Variants in GRM7 observed in about 807,000 individuals in gnomAD.
GRM7 encodes glutamate metabotropic receptor 7.
Under a neutral mutation model 84.5 loss-of-function variants are expected in GRM7, and 35 were observed. That is an observed-to-expected ratio of 0.41 (90% CI 0.32 to 0.55). The LOEUF is 0.55. Ranked by LOEUF, GRM7 falls within the 20% of genes least tolerant of loss-of-function variation. The probability of loss-of-function intolerance (pLI) is 0.19; values close to 1 mark genes in which losing one functional copy is unlikely to be tolerated. For synonymous variants in GRM7, 487 were observed against 455.1 expected (o/e 1.07, Z -0.89); for missense variants, 1,003 against 1,194.6 (o/e 0.84, Z 2.36).
chr3:7,569,784 T>C (rs1271472570), intron 7 of GRM7, among the ~76,000 whole-genome samples: 1 of 151,722 alleles, frequency 6.6e-6, no homozygotes, highest in African/African-American at 2.4e-5. Flanking sequence ...ACCGCGAAGG[T>C]CCGCAGCTTC....
intron 4 of GRM7, among the ~76,000 whole-genome samples, chr3:7,331,873 A>G (rs1416510799): frequency 6.6e-6 from 1 of 152,166 alleles, no homozygotes. Context: ...TATTTTTTAA[A>G]GGTTCCCATG....
At chr3:6,979,027 G>A (rs939378752) in intron 1 of GRM7, among the ~76,000 whole-genome samples, 2 of 152,084 alleles carry the variant, frequency 1.3e-5, no homozygotes, top group Non-Finnish European at 2.9e-5. Context: ...TAGTGAGTAA[G>A]GAGATAAAGA....
At position 7,530,195 on chromosome 3, in the gene GRM7, T is replaced by C. The variant is rs1252453639; in HGVS notation, c.1516-48227T>C. Among the ~76,000 whole-genome samples the C allele has an allele frequency of 4.0e-5, 6 of 151,632 alleles. No individual in the cohort carries two copies. In the South Asian group the frequency reaches 8.3e-4, roughly 21 times the overall value. ...ATTATAAGTGAGGACATGCAGTGTTTGGTTTTCTGTTCCTGTGTTATTTTG... is the reference window on the plus strand; with the variant it reads ...ATTATAAGTGAGGACATGCAGTGTTCGGTTTTCTGTTCCTGTGTTATTTTG... On this transcript the variant is annotated intron_variant, in intron 7 of 9. Coordinates refer to ENST00000357716, the MANE Select transcript of GRM7 (RefSeq NM_000844.4).
At chr3:7,191,595 C>T (rs1290223810) in intron 2 of GRM7, among the ~76,000 whole-genome samples, 1 of 151,436 alleles carries the variant, frequency 6.6e-6, no homozygotes, top group Non-Finnish European at 1.5e-5. Context: ...AAAGCTACAA[C>T]TTGGATAAAT....
intron 7 of GRM7, among the ~76,000 whole-genome samples, chr3:7,523,294 A>T (rs190758115): frequency 1.2e-4 from 19 of 152,064 alleles, no homozygotes; most frequent in South Asian, 6.2e-4. Flanking sequence ...ATACAGAAAA[A>T]TTTTTTTCCT....
chr3:7,035,330 A>G (rs1347729813), intron 1 of GRM7, among the ~76,000 whole-genome samples: 1 of 152,160 alleles, frequency 6.6e-6, no homozygotes, highest in Non-Finnish European at 1.5e-5. Flanking sequence ...TGATTTAGTC[A>G]GTCAGTACTT....
intron 7 of GRM7, among the ~76,000 whole-genome samples, chr3:7,526,320 C>T (rs376173292): frequency 4.0e-5 from 6 of 151,724 alleles, no homozygotes; most frequent in African/African-American, 1.2e-4. Context: ...TTCCCCTGTA[C>T]TTATTGGCTG....
chr3:7,399,193 AT>A (rs1207399982), intron 4 of GRM7, among the ~76,000 whole-genome samples: 12 of 145,722 alleles, frequency 8.2e-5, no homozygotes, highest in South Asian at 4.2e-4. Flanking sequence ...AATAATAATA[AT>A]AATAATAATA....
chr3:7,342,436 C>T (rs1311679338), intron 4 of GRM7, among the ~76,000 whole-genome samples: 1 of 152,122 alleles, frequency 6.6e-6, no homozygotes, highest in Non-Finnish European at 1.5e-5. Flanking sequence ...AATTACTGTG[C>T]TGTTTCCTGC....
intron 7 of GRM7, among the ~76,000 whole-genome samples, chr3:7,506,980 C>T (rs987555884): frequency 6.6e-6 from 1 of 152,084 alleles, no homozygotes; most frequent in African/African-American, 2.4e-5. Context: ...TATCAGACAG[C>T]CTTCATATCA....
At chr3:7,357,359 A>G (rs999544059) in intron 4 of GRM7, among the ~76,000 whole-genome samples, 1 of 151,910 alleles carries the variant, frequency 6.6e-6, no homozygotes, top group Non-Finnish European at 1.5e-5. Flanking sequence ...AATAATTCAG[A>G]ACCTCTTAAT....
intron 1 of GRM7, among the ~76,000 whole-genome samples, chr3:7,022,404 T>G (rs1291786614): frequency 7.4e-6 from 1 of 135,956 alleles, no homozygotes; most frequent in Non-Finnish European, 1.6e-5. Context: ...CAATGATATC[T>G]CCATATAGTG....
At chr3:7,480,738 C>A (rs1006411440) in intron 7 of GRM7, among the ~76,000 whole-genome samples, 11 of 152,128 alleles carry the variant, frequency 7.2e-5, no homozygotes. Context: ...GGGTTTCAAA[C>A]TTTGCTGTAC....
chr3:7,467,151 G>C (rs760475295), intron 7 of GRM7, among the ~76,000 whole-genome samples: 13 of 151,998 alleles, frequency 8.6e-5, no homozygotes, highest in Non-Finnish European at 1.6e-4. Context: ...GCAGTGGCGC[G>C]ATCTTGGCTC....
intron 4 of GRM7, among the ~76,000 whole-genome samples, chr3:7,313,944 A>G (rs1700494812): frequency 6.6e-6 from 1 of 152,014 alleles, no homozygotes; most frequent in Non-Finnish European, 1.5e-5. Context: ...GAGATTTAAT[A>G]TTTTAAACAA....
intron 1 of GRM7, among the ~76,000 whole-genome samples, chr3:6,892,215 C>T (rs555076228): frequency 4.7e-4 from 71 of 152,090 alleles, no homozygotes; most frequent in Non-Finnish European, 8.8e-4. Context: ...ACACTCAAGT[C>T]CTATATTTTG....
intron 9 of GRM7, among the ~76,000 whole-genome samples, chr3:7,733,818 C>A (rs890119642): frequency 6.6e-6 from 1 of 152,290 alleles, no homozygotes; most frequent in East Asian, 1.9e-4. Context: ...TCTCCACGCA[C>A]CTTTGGAAAC....
intron 1 of GRM7, among the ~76,000 whole-genome samples, chr3:7,024,410 C>T (rs565274000): frequency 6.6e-6 from 1 of 152,338 alleles, no homozygotes; most frequent in East Asian, 1.9e-4. Context: ...ATGACGTGCA[C>T]TTTGACATTA....
At chr3:7,252,079 T>C (rs1698012456) in intron 2 of GRM7, among the ~76,000 whole-genome samples, 1 of 152,170 alleles carries the variant, frequency 6.6e-6, no homozygotes, top group African/African-American at 2.4e-5. Flanking sequence ...AAATAGAATA[T>C]ATCCAACTTA....
Sources: allele counts gnomAD v4.1 joint callset (sites outside exome capture counted in the v4.1 genomes callset), GRCh38; gene constraint gnomAD v4.1.1; transcripts MANE v1.5; gene names NCBI Gene and HGNC (gene_info 2026-07-23, HGNC 2026-07-21).